The following AP3S1 variants were observed in gnomAD, a reference collection of about 807,000 sequenced individuals.
AP3S1 encodes the protein adaptor related protein complex 3 subunit sigma 1, also known as AP-3 complex subunit sigma-1.
A neutral mutation model predicts 21.3 loss-of-function variants in AP3S1; 12 were observed. The observed-to-expected ratio is 0.56, with a 90% CI of 0.36 to 0.91. AP3S1 has a LOEUF of 0.91. AP3S1 is among the 40% of genes least tolerant of loss of function. The pLI is 0.01. For missense variants in AP3S1, 116 were observed against 225.0 expected (o/e 0.52, Z 3.10); for synonymous variants, 48 against 78.4 (o/e 0.61, Z 2.05).
At position 115,883,575 on chromosome 5, in the gene AP3S1, G is replaced by A. The variant is rs966155138; in HGVS notation, c.274-11512G>A. Among the ~76,000 whole-genome samples the A allele has an allele frequency of 1.3e-4, 20 of 152,194 alleles. No homozygotes were observed. In the East Asian group the frequency reaches 2.5e-3, roughly 19 times the overall value. On this transcript the variant is annotated intron_variant, in intron 3 of 5. Transcript: ENST00000316788. ...CCCAATGAGATGAGCCAGGTACCTC[G>A]GTTGGAAATGCAGAAATCACCCGCC...
At chr5:115,869,900 A>G (rs1229362440) in intron 2 of AP3S1, 117 bp from the exon 3 acceptor site, 6 of 588,220 alleles carry the variant, frequency 1.0e-5, no homozygotes, top group Non-Finnish European at 1.4e-5. Flanking sequence ...ATACTTTGCC[A>G]TTGAATGTCA....
At chr5:115,858,173 C>T (rs544785909) in intron 1 of AP3S1, among the ~76,000 whole-genome samples, 94 of 152,230 alleles carry the variant, frequency 6.2e-4, no homozygotes, top group African/African-American at 2.1e-3. Context: ...GTTTACTATC[C>T]TGCCATGGTG....
At chr5:115,893,002 A>T (rs1750446414) in intron 3 of AP3S1, among the ~76,000 whole-genome samples, 1 of 152,238 alleles carries the variant, frequency 6.6e-6, no homozygotes, top group Admixed American at 6.5e-5. Context: ...TGTATATATT[A>T]ACTATAATAA....
chr5:115,880,809 C>G (rs1316408549), intron 3 of AP3S1, among the ~76,000 whole-genome samples: 1 of 152,110 alleles, frequency 6.6e-6, no homozygotes, highest in Non-Finnish European at 1.5e-5. Flanking sequence ...GTGTTAAACT[C>G]TCCCACTATT....
intron 1 of AP3S1, among the ~76,000 whole-genome samples, chr5:115,849,898 A>G (rs1412325110): frequency 6.6e-6 from 1 of 152,130 alleles, no homozygotes; most frequent in African/African-American, 2.4e-5. Flanking sequence ...GTCTTCTAAA[A>G]AAAAAACAAA....
intron 3 of AP3S1, among the ~76,000 whole-genome samples, chr5:115,879,929 T>A (rs186863027): frequency 7.0e-4 from 107 of 152,316 alleles, no homozygotes; most frequent in African/African-American, 2.5e-3. Flanking sequence ...CTGGTTTAAG[T>A]CTTGGGAGGG....
At chr5:115,859,538 C>A (rs540808026) in intron 1 of AP3S1, among the ~76,000 whole-genome samples, 1 of 152,148 alleles carries the variant, frequency 6.6e-6, no homozygotes, top group African/African-American at 2.4e-5. Context: ...ATGATGTCAC[C>A]AAATGCAGAA....
At chr5:115,859,563 A>C (rs1472384017) in intron 1 of AP3S1, among the ~76,000 whole-genome samples, 1 of 152,206 alleles carries the variant, frequency 6.6e-6, no homozygotes, top group Non-Finnish European at 1.5e-5. Flanking sequence ...GAAGAGATAC[A>C]CCCAGTAGGC....
At chr5:115,899,639 C>A (rs1751046657) in intron 4 of AP3S1, among the ~76,000 whole-genome samples, 1 of 152,054 alleles carries the variant, frequency 6.6e-6, no homozygotes, top group Non-Finnish European at 1.5e-5. Context: ...GAAAAGTCTT[C>A]TTGGGCTTGA....
At chr5:115,873,014 A>T (rs1272329702) in intron 3 of AP3S1, among the ~76,000 whole-genome samples, 1 of 152,208 alleles carries the variant, frequency 6.6e-6, no homozygotes, top group Admixed American at 6.5e-5. Context: ...AACAGGAGAA[A>T]GTGTACCATT....
intron 1 of AP3S1, among the ~76,000 whole-genome samples, chr5:115,843,629 C>T (rs1761826487): frequency 6.6e-6 from 1 of 152,196 alleles, no homozygotes; most frequent in African/African-American, 2.4e-5. Flanking sequence ...TTGCCAGTGT[C>T]ATCCATTTGC....
At chr5:115,859,535 C>T (rs1035546440) in intron 1 of AP3S1, among the ~76,000 whole-genome samples, 1 of 152,186 alleles carries the variant, frequency 6.6e-6, no homozygotes, top group Non-Finnish European at 1.5e-5. Context: ...GACATGATGT[C>T]ACCAAATGCA....
chr5:115,862,295 A>G (rs1051091473), intron 1 of AP3S1, among the ~76,000 whole-genome samples: 25 of 152,036 alleles, frequency 1.6e-4, no homozygotes, highest in African/African-American at 5.8e-4. Context: ...AATTGAAAAA[A>G]CTTGCCAATT....
chr5:115,853,583 T>C (rs923482080), intron 1 of AP3S1, among the ~76,000 whole-genome samples: 1 of 152,190 alleles, frequency 6.6e-6, no homozygotes, highest in African/African-American at 2.4e-5. Context: ...TTCAAGAGTT[T>C]AGTAGCCTTA....
In AP3S1 at chr5:115,841,967, T is replaced by C; in HGVS notation, c.-71T>C. On this transcript the variant is annotated 5_prime_UTR_variant, in exon 1 of 6. Coordinates refer to ENST00000316788, the MANE Select transcript of AP3S1 (RefSeq NM_001284.4). ...GGGTGGGGAAGGATCGCAGGCGAGA[T>C]TACGAGGCGAGGCTCGCGCGCCCGC... 1 of 1,494,464 alleles carries C rather than the reference T, an allele frequency of 6.7e-7. No individual in the cohort carries two copies. Among genetic ancestry groups the C allele is most frequent in the Non-Finnish European group, 9.0e-7 (1 of 1,117,024 alleles). 92.6% of individuals were successfully genotyped at this position (1,494,464 alleles called of 1,614,324 possible).
At chr5:115,908,211 A>G (rs902250140) in intron 5 of AP3S1, among the ~76,000 whole-genome samples, 1 of 152,182 alleles carries the variant, frequency 6.6e-6, no homozygotes, top group African/African-American at 2.4e-5. Context: ...TAGAGAATAC[A>G]TAGTAGTCTC....
At chr5:115,911,940 T>G (rs969479572) in intron 5 of AP3S1, 10 of 151,986 alleles carry the variant, frequency 6.6e-5, no homozygotes, top group African/African-American at 2.4e-4. Context: ...GGGTATGGAG[T>G]TATTCATTTG....
intron 1 of AP3S1, among the ~76,000 whole-genome samples, chr5:115,850,991 T>C (rs534616951): frequency 6.6e-6 from 1 of 152,230 alleles, no homozygotes; most frequent in South Asian, 2.1e-4. Context: ...TGACTAACAT[T>C]GTTGAGATGC....
At chr5:115,861,855 C>CCTTTCCT (rs1763211552) in intron 1 of AP3S1, among the ~76,000 whole-genome samples, 2 of 135,796 alleles carry the variant, frequency 1.5e-5, no homozygotes, top group African/African-American at 2.7e-5. Context: ...CCAAAATTTT[C>CCTTTCCT]TTTTCTTTTC....
Sources: allele counts gnomAD v4.1 joint callset (sites outside exome capture counted in the v4.1 genomes callset), GRCh38; gene constraint gnomAD v4.1.1; transcripts MANE v1.5; gene names NCBI Gene and HGNC (gene_info 2026-07-23, HGNC 2026-07-21).